PRH1: variants seen among roughly 807,000 people sequenced by gnomAD.
PRH1 encodes the protein salivary acidic proline-rich phosphoprotein 1/2.
Under a neutral mutation model 7.9 loss-of-function variants are expected in PRH1, and 7 were observed. That is an observed-to-expected ratio of 0.89 (90% confidence interval 0.50 to 1.67). The LOEUF (loss-of-function observed/expected upper bound fraction) is 1.67, where lower values mean the gene tolerates loss of function less well. Ranked by LOEUF, PRH1 falls within the 40% of genes most tolerant of loss-of-function variation. The pLI, the probability that PRH1 is intolerant of heterozygous loss-of-function variation, is 0.00. For missense variants in PRH1, 109 were observed against 223.6 expected (o/e 0.49, Z 3.27); for synonymous variants, 45 against 80.8 (o/e 0.56, Z 2.38).
At chr12:11,022,533 T>G (rs775238416) in intron 1 of PRH1, 20 of 1,613,076 alleles carry the variant, frequency 1.2e-5, no homozygotes, top group East Asian at 2.2e-5. Flanking sequence ...ATGCAAACAC[T>G]ACCAGAATTG....
chr12:11,123,506 T>G (rs1175251409), intron 1 of PRH1, among the ~76,000 whole-genome samples: 1 of 151,726 alleles, frequency 6.6e-6, no homozygotes, highest in Non-Finnish European at 1.5e-5. Context: ...CAAGACACTA[T>G]TGTTTTCTAC....
Position 11,168,112 on chromosome 12 carries a change from T to TA in PRH1, n.39+3309dup, listed in dbSNP as rs145839403. Among the ~76,000 whole-genome samples, 1,294 of 150,770 alleles carry TA rather than the reference T, an allele frequency of 8.6e-3. 18 individuals carry two copies. Among genetic ancestry groups the TA allele is most frequent in the African/African-American group, 0.03 (1,218 of 40,780 alleles). ...AAAAGTCTTTCTTGAAATATGGAAA[T>TA]AAGAGTATATATTTAGCTCTGAGTA... is the stretch of plus-strand genomic sequence containing the variant. On this transcript the variant is annotated intron_variant and non_coding_transcript_variant, in intron 1 of 1. Coordinates refer to the PRH1 transcript ENST00000541175.
At chr12:11,016,345 T>G (rs960119711) in intron 1 of PRH1, among the ~76,000 whole-genome samples, 4 of 152,198 alleles carry the variant, frequency 2.6e-5, no homozygotes, top group African/African-American at 9.6e-5. Flanking sequence ...TCATTACTTT[T>G]GTACCAGACC....
At chr12:11,169,765 C>T (rs1453535195) in intron 1 of PRH1, among the ~76,000 whole-genome samples, 1 of 152,182 alleles carries the variant, frequency 6.6e-6, no homozygotes, top group African/African-American at 2.4e-5. Context: ...TTTTACATCG[C>T]TCTTCAGTCT....
chr12:11,133,542 G>GA (rs1443541123), intron 1 of PRH1: 6 of 1,554,706 alleles, frequency 3.9e-6, no homozygotes, highest in Non-Finnish European at 4.4e-6. Flanking sequence ...CATAACAGAA[G>GA]AAAGGAGGTC....
intron 2 of PRH1, among the ~76,000 whole-genome samples, chr12:10,922,717 G>C (rs962580986): frequency 6.6e-6 from 1 of 151,190 alleles, no homozygotes; most frequent in African/African-American, 2.4e-5. Flanking sequence ...CTTATTATTT[G>C]TGGATTCTTC....
intron 1 of PRH1, among the ~76,000 whole-genome samples, chr12:11,053,765 A>T (rs1241086897): frequency 1.3e-5 from 2 of 152,228 alleles, no homozygotes; most frequent in African/African-American, 4.8e-5. Flanking sequence ...TTTTCAAAGC[A>T]CTAGAGTTAA....
chr12:10,894,639 C>T lies in PRH1; in HGVS notation c.-58-10364G>A, dbSNP rs979775536. 8.5e-5 allele frequency among the ~76,000 whole-genome samples: 13 copies of T among 152,176 alleles called. No individual in the cohort carries two copies. The East Asian group carries it at 1.9e-3, about 23-fold the overall frequency. ...GATGTATTTCTATTCTATTCTAATG[C>T]TTATGCAACATATTAATAAAATTTA... On this transcript the variant is annotated intron_variant, in intron 2 of 3. Coordinates refer to the PRH1 transcript ENST00000539853.
At chr12:11,030,815 A>T (rs1205809155) in intron 1 of PRH1, 2 of 1,614,204 alleles carry the variant, frequency 1.2e-6, no homozygotes, top group Non-Finnish European at 1.7e-6. Flanking sequence ...CGCATCTGAA[A>T]GGTACACTGC....
chr12:11,135,693 C>T (rs2600354), intron 1 of PRH1, among the ~76,000 whole-genome samples: 69,165 of 151,868 alleles, frequency 0.46, 16,553 homozygotes, highest in Non-Finnish European at 0.53. Context: ...AGATGGGGAA[C>T]GGCAAAGATT....
chr12:11,046,464 G>T (rs550003664), intron 1 of PRH1, among the ~76,000 whole-genome samples: 121 of 152,140 alleles, frequency 8.0e-4, no homozygotes, highest in Non-Finnish European at 1.3e-3. Flanking sequence ...CCTGCTGCTC[G>T]TGTTATGCCA....
At chr12:11,119,576 A>T (rs2600371), downstream of PRH1, among the ~76,000 whole-genome samples, 68,952 of 151,478 alleles carry the variant, frequency 0.46, 16,467 homozygotes, top group Non-Finnish European at 0.53. Flanking sequence ...AAAATACATT[A>T]AAAAAAAAGA....
In PRH1 at chr12:10,966,602, C is replaced by T. The variant is rs956029072; in HGVS notation, c.-59+7053G>A. Among the ~76,000 whole-genome samples the T allele has an allele frequency of 7.2e-5, 11 of 152,254 alleles. No homozygotes were observed. The South Asian group carries it at 1.5e-3, about 20-fold the overall frequency. Reference sequence around the variant, plus strand: ...GCCCATCTCATATCACCAGAGCCATCCAGCAAACCCAGCTTAGAAAAACTG... The same window carrying T: ...GCCCATCTCATATCACCAGAGCCATTCAGCAAACCCAGCTTAGAAAAACTG... On this transcript the variant is annotated intron_variant, in intron 2 of 3. Coordinates refer to the PRH1 transcript ENST00000539853.
intron 2 of PRH1, among the ~76,000 whole-genome samples, chr12:10,949,385 C>A (rs1274934543): frequency 1.3e-5 from 2 of 152,230 alleles, no homozygotes; most frequent in Non-Finnish European, 2.9e-5. Context: ...GTGGCAAGGG[C>A]AGTTCTACTG....
At position 10,975,461 on chromosome 12, in the gene PRH1, A is replaced by T. The variant is rs145969676; in HGVS notation, c.-125-1740T>A. On this transcript the variant is annotated intron_variant, in intron 1 of 3. Transcript: ENST00000539853. ...GAAAGAAAAGATCTTCACTGACAAC[A>T]CAAATACACTTAAGTACATAGACCA... Among the ~76,000 whole-genome samples the T allele has an allele frequency of 7.5e-3, 1,142 of 152,300 alleles. 51 individuals are homozygous for T. The highest frequency in any genetic ancestry group is 0.065 in the Admixed American group (989 of 15,286).
At chr12:11,139,606 G>A (rs747150940) in intron 1 of PRH1, among the ~76,000 whole-genome samples, 63 of 152,178 alleles carry the variant, frequency 4.1e-4, no homozygotes, top group Middle Eastern at 3.4e-3. Context: ...TTGTAAACAT[G>A]TCAGTCTTCT....
chr12:11,035,986 C>T (rs577703569), intron 1 of PRH1, among the ~76,000 whole-genome samples: 1 of 152,086 alleles, frequency 6.6e-6, no homozygotes, highest in East Asian at 1.9e-4. Context: ...CTCTGTCCCC[C>T]GGGTTCACGC....
At chr12:10,938,604 TGAG>T (rs1565484995) in intron 2 of PRH1, 14 of 1,613,822 alleles carry the variant, frequency 8.7e-6, no homozygotes, top group African/African-American at 1.3e-5. Context: ...ATGGAGAAGA[TGAG>T]GAGAAGAAAC....
chr12:10,963,524 C>T (rs1395648061), intron 2 of PRH1, among the ~76,000 whole-genome samples: 1 of 152,034 alleles, frequency 6.6e-6, no homozygotes, highest in Non-Finnish European at 1.5e-5. Context: ...TGGAGAGAAT[C>T]GGCAATTTAG....
Sources: gnomAD v4.1 joint callset for allele counts (sites outside exome capture counted in the v4.1 genomes callset) on GRCh38, gnomAD v4.1.1 for gene constraint, MANE v1.5 for transcripts, NCBI Gene and HGNC (gene_info 2026-07-23, HGNC 2026-07-21) for gene names.